The following CTNND2 variants were observed in gnomAD, a reference collection of about 807,000 sequenced individuals.
The protein encoded by CTNND2 is catenin delta 2.
Under a neutral mutation model 144.4 loss-of-function variants are expected in CTNND2, and 22 were observed. That is an observed-to-expected ratio of 0.15 (90% CI 0.11 to 0.22). The LOEUF is 0.22. Among genes scored for constraint, CTNND2 ranks in the 10% least tolerant of loss-of-function variants. CTNND2 has a pLI of 1.00. For missense variants in CTNND2, 1,353 were observed against 1,618.8 expected, an observed-to-expected ratio of 0.84 and a Z score of 2.82; for synonymous variants, 751 against 695.6, an observed-to-expected ratio of 1.08 and a Z score of -1.25.
chr5:11,846,219 A>G (rs1053882555), intron 1 of CTNND2, among the ~76,000 whole-genome samples: 2 of 152,158 alleles, frequency 1.3e-5, no homozygotes, highest in Admixed American at 1.3e-4. Flanking sequence ...ATAAAAACAG[A>G]AATATTAATG....
At chr5:11,826,669 A>G (rs2126952958) in intron 1 of CTNND2, among the ~76,000 whole-genome samples, 1 of 152,176 alleles carries the variant, frequency 6.6e-6, no homozygotes, top group South Asian at 2.1e-4. Flanking sequence ...AAATGATAAT[A>G]TCAAGTACCA....
intron 12 of CTNND2, among the ~76,000 whole-genome samples, chr5:11,129,821 T>C (rs1245550263): frequency 6.6e-6 from 1 of 152,082 alleles, no homozygotes. Flanking sequence ...TCCCATAACA[T>C]TATGTGAAGC....
chr5:11,000,340 G>A (rs1397925081), intron 18 of CTNND2, among the ~76,000 whole-genome samples: 4 of 152,164 alleles, frequency 2.6e-5, no homozygotes, highest in Non-Finnish European at 5.9e-5. Context: ...GACCAACAGG[G>A]TGAAACCCCG....
At chr5:10,982,184 G>C (rs558788746) in intron 20 of CTNND2, among the ~76,000 whole-genome samples, 1 of 152,332 alleles carries the variant, frequency 6.6e-6, no homozygotes, top group Non-Finnish European at 1.5e-5. Context: ...CTTGTCACCT[G>C]CACTGAAGCA....
intron 5 of CTNND2, among the ~76,000 whole-genome samples, chr5:11,405,267 C>G (rs777691364): frequency 2.0e-5 from 3 of 152,168 alleles, no homozygotes; most frequent in Non-Finnish European, 4.4e-5. Flanking sequence ...ATTGTTTTCT[C>G]ATATTAAGTG....
chr5:11,184,296 T>C (rs1735397424), intron 11 of CTNND2, among the ~76,000 whole-genome samples: 1 of 152,238 alleles, frequency 6.6e-6, no homozygotes, highest in Admixed American at 6.5e-5. Context: ...TGGTTCACTG[T>C]TAAGTATATC....
Position 11,273,733 on chromosome 5 carries a change from G to A in CTNND2, c.1629-36910C>T, listed in dbSNP as rs180998933. On this transcript the variant is annotated intron_variant, in intron 9 of 21. Coordinates refer to ENST00000304623, the MANE Select transcript of CTNND2 (RefSeq NM_001332.4). ...ATCGCCCAGATAAATGGTATTATTG[G>A]GCAACCTCATGTTTATTGCACTTGG... 7.2e-5 allele frequency among the ~76,000 whole-genome samples: 11 copies of A among 152,122 alleles called. No homozygotes were observed. In the East Asian group the frequency reaches 2.1e-3, roughly 29 times the overall value.
At chr5:10,975,899 T>C (rs1014170514) in intron 21 of CTNND2, among the ~76,000 whole-genome samples, 1 of 152,224 alleles carries the variant, frequency 6.6e-6, no homozygotes, top group Non-Finnish European at 1.5e-5. Context: ...GCTTTGACTG[T>C]TGTCATGTTC....
Position 11,611,340 on chromosome 5 carries a change from A to G in CTNND2, c.175-46284T>C, listed in dbSNP as rs377467899. Among the ~76,000 whole-genome samples the G allele has an allele frequency of 4.6e-5, 7 of 152,354 alleles. No homozygotes were observed. In the East Asian group the frequency reaches 9.6e-4, roughly 21 times the overall value. ...TTATTAGCAATATGAGAACAGACTA[A>G]TACTGTAGAAATATTCTAACAGCAA... On this transcript the variant is annotated intron_variant, in intron 2 of 21. Coordinates refer to ENST00000304623, the MANE Select transcript of CTNND2 (RefSeq NM_001332.4).
chr5:11,567,189 G>A (rs1036498316), intron 2 of CTNND2, among the ~76,000 whole-genome samples: 19 of 151,538 alleles, frequency 1.3e-4, no homozygotes, highest in Admixed American at 2.0e-4. Context: ...ATGGAGTCTC[G>A]CTCTGTCGTC....
intron 5 of CTNND2, among the ~76,000 whole-genome samples, chr5:11,408,917 TG>T (rs1415048181): frequency 1.3e-5 from 2 of 152,080 alleles, no homozygotes; most frequent in African/African-American, 4.8e-5. Flanking sequence ...TATTTATCTT[TG>T]ACTATTTTAC....
intron 6 of CTNND2, 121 bp from the exon 7 acceptor site, chr5:11,385,350 T>A: frequency 1.7e-6 from 1 of 597,932 alleles, no homozygotes; most frequent in Non-Finnish European, 2.1e-6. Context: ...CCGGCGGCTC[T>A]GCGATCCCAG....
chr5:11,221,458 G>A (rs562864100), intron 10 of CTNND2, among the ~76,000 whole-genome samples: 3 of 152,318 alleles, frequency 2.0e-5, no homozygotes, highest in African/African-American at 7.2e-5. Context: ...AAACTTGGAA[G>A]ATAAGGTTGG....
At chr5:11,762,210 C>T (rs1337759438) in intron 1 of CTNND2, among the ~76,000 whole-genome samples, 1 of 152,116 alleles carries the variant, frequency 6.6e-6, no homozygotes, top group African/African-American at 2.4e-5. Flanking sequence ...TACAGATGCA[C>T]ATGAGTAACC....
intron 1 of CTNND2, among the ~76,000 whole-genome samples, chr5:11,872,115 T>C (rs993556994): frequency 2.0e-5 from 3 of 151,950 alleles, no homozygotes; most frequent in African/African-American, 4.8e-5. Context: ...CTCCCACTTA[T>C]GAGTGAGAAC....
At chr5:11,846,265 T>G (rs978547231) in intron 1 of CTNND2, among the ~76,000 whole-genome samples, 2 of 152,152 alleles carry the variant, frequency 1.3e-5, no homozygotes, top group African/African-American at 2.4e-5. Flanking sequence ...GCTGTCAGTT[T>G]GAGAAAAATG....
chr5:11,271,348 C>T (rs965660197), intron 9 of CTNND2, among the ~76,000 whole-genome samples: 1 of 152,168 alleles, frequency 6.6e-6, no homozygotes, highest in East Asian at 1.9e-4. Flanking sequence ...ACTCATATCA[C>T]ATAAAGTATT....
Position 11,385,091 on chromosome 5 carries a change from C to A in CTNND2, c.751G>T (p.Ala251Ser). The change falls in exon 7 of 22, where the codon GCG becomes TCG. Residue 251 changes from alanine to serine, a missense_variant. Ala to Ser is a moderately conservative substitution (Grantham distance 99, BLOSUM62 1). Coordinates refer to ENST00000304623, the MANE Select transcript of CTNND2 (RefSeq NM_001332.4). The part of the protein sequence containing the change: ...PDAPPAAAAA[A>S]LYYSSSTLPA... ...AGCGTGGAGCTGGAGTAGTAGAGCGCGGCGGCGGCGGCGGCGGGCGGCGCG... is the reference window on the plus strand; with the variant it reads ...AGCGTGGAGCTGGAGTAGTAGAGCGAGGCGGCGGCGGCGGCGGGCGGCGCG... The A allele has an allele frequency of 3.1e-6, 3 of 981,866 alleles. No individual in the cohort carries two copies. The highest frequency in any genetic ancestry group is 4.3e-5 in the South Asian group (1 of 23,282). The allele number at this position is 981,866 out of a possible 1,614,324, so 60.8% of individuals were successfully genotyped here.
At chr5:11,207,951 T>G (rs1738225194) in intron 10 of CTNND2, among the ~76,000 whole-genome samples, 1 of 152,128 alleles carries the variant, frequency 6.6e-6, no homozygotes, top group Non-Finnish European at 1.5e-5. Context: ...TCAAGATTGA[T>G]GAAAAAACCT....
Sources: allele counts gnomAD v4.1 joint callset (sites outside exome capture counted in the v4.1 genomes callset), GRCh38; gene constraint gnomAD v4.1.1; transcripts MANE v1.5; gene names NCBI Gene and HGNC (gene_info 2026-07-23, HGNC 2026-07-21).